Variants in LMAN1L observed in about 807,000 individuals in gnomAD.
LMAN1L encodes lectin, mannose binding 1 like.
LMAN1L carries 60 observed loss-of-function variants against 58.3 expected under a neutral mutation model. The ratio of observed to expected loss-of-function variants is 1.03; its 90% CI spans 0.84 to 1.27. The LOEUF is 1.27. Ranked by LOEUF, LMAN1L falls within the 50% of genes most tolerant of loss-of-function variation. LMAN1L has a pLI of 0.00. For synonymous variants in LMAN1L, 280 were observed against 271.6 expected, an observed-to-expected ratio of 1.03 and a Z score of -0.31; for missense variants, 629 against 674.0, an observed-to-expected ratio of 0.93 and a Z score of 0.74.
At chr15:74,821,299 T>C (rs913136505) in intron 9 of LMAN1L, 73 bp downstream of exon 9, 36 of 1,483,878 alleles carry the variant, frequency 2.4e-5, no homozygotes, top group Non-Finnish European at 3.3e-5. Context: ...AGTCAGCAAC[T>C]AGTCTCCCCT....
rs755095786 is a variant in LMAN1L at position 74,816,423 on chromosome 15, G to A, written c.331-4G>A. On this transcript the variant is annotated splice_polypyrimidine_tract_variant and splice_region_variant and intron_variant, in intron 2 of 13. Transcript: ENST00000309664. ...CCCTGAGCTGAGGGGCTGGGGACCT[G>A]CAGGCCGTGTGGTACACCCGGGGCA... 5 of 1,563,412 alleles carry A rather than the reference G, an allele frequency of 3.2e-6. No homozygotes were observed. In the East Asian group the frequency reaches 6.8e-5, roughly 21 times the overall value.
In LMAN1L at chr15:74,816,552, G is replaced by C. The variant is rs1049787108; in HGVS notation, c.438+18G>C. ...ATACTCAGGTGCGTAGTGGTCTCCT[G>C]CCTGCCAGCCCGCCTGCCCGCTCAC... On this transcript the variant is annotated intron_variant, in intron 3 of 13. Transcript: ENST00000309664. 1.3e-6 allele frequency: 2 copies of C among 1,575,832 alleles called. No homozygotes were observed. Among genetic ancestry groups the C allele is most frequent in the Non-Finnish European group, 1.7e-6 (2 of 1,158,608 alleles).
intron 10 of LMAN1L, 68 bp downstream of exon 10, chr15:74,821,968 G>C: frequency 9.1e-7 from 1 of 1,098,180 alleles, no homozygotes; most frequent in Non-Finnish European, 1.4e-6. Flanking sequence ...GGGAGAACCA[G>C]GGCAGAGAGG....
chr15:74,820,875 G>A, intron 8 of LMAN1L, 108 bp downstream of exon 8: 1 of 1,459,848 alleles, frequency 6.9e-7, no homozygotes, highest in Non-Finnish European at 9.2e-7. Flanking sequence ...GCCTGAGGAG[G>A]CCACATCTAA....
At chr15:74,824,275 A>C in intron 12 of LMAN1L, 76 bp from the exon 13 acceptor site, 2 of 1,412,222 alleles carry the variant, frequency 1.4e-6, no homozygotes, top group Non-Finnish European at 2.0e-6. Context: ...CGGAGCATGC[A>C]CATGGCCTAG....
Position 74,816,486 on chromosome 15 carries a change from G to T in LMAN1L, c.390G>T (p.Ser130=). ...GCTCTGTCCTTGGGGGGCTGGCTTC[G>T]TGGGACGGCATCGGGATCTTCTTTG... ...HVGSVLGGLA[S]WDGIGIFFDS... The change falls in exon 3 of 14, where the codon TCG becomes TCT. Residue 130 remains serine (S), a synonymous_variant. Coordinates refer to ENST00000309664, the MANE Select transcript of LMAN1L (RefSeq NM_021819.3). 2 of 1,550,396 alleles carry T rather than the reference G, an allele frequency of 1.3e-6. No homozygotes were observed. Among genetic ancestry groups the T allele is most frequent in the African/African-American group, 1.4e-5 (1 of 73,588 alleles).
At chr15:74,814,466 T>C (rs2063881491) in intron 1 of LMAN1L, among the ~76,000 whole-genome samples, 1 of 147,210 alleles carries the variant, frequency 6.8e-6, no homozygotes, top group African/African-American at 2.5e-5. Context: ...CTCCACCTCC[T>C]GGGTTCATGC....
chr15:74,820,449 T>G (rs915430324), intron 7 of LMAN1L, 186 bp from the exon 8 acceptor site: 25 of 784,346 alleles, frequency 3.2e-5, no homozygotes, highest in Non-Finnish European at 4.9e-5. Flanking sequence ...ACATATAGGC[T>G]TGAGGCCACA....
intron 4 of LMAN1L, among the ~76,000 whole-genome samples, chr15:74,817,821 G>C (rs2063898423): frequency 6.6e-6 from 1 of 152,068 alleles, no homozygotes. Context: ...AGACCAGCCT[G>C]GCCAACATGG....
intron 4 of LMAN1L, among the ~76,000 whole-genome samples, chr15:74,817,400 G>A (rs56371115): frequency 3.9e-5 from 6 of 152,316 alleles, no homozygotes; most frequent in South Asian, 2.1e-4. Context: ...CACATAGCTC[G>A]GGGCACAAAC....
intron 4 of LMAN1L, among the ~76,000 whole-genome samples, chr15:74,817,688 G>A (rs567712786): frequency 6.6e-6 from 1 of 152,294 alleles, no homozygotes; most frequent in East Asian, 1.9e-4. Flanking sequence ...AAGGAAGCCA[G>A]AGGCACAGAG....
In LMAN1L at chr15:74,825,482, G is replaced by A. The variant is rs776912350; in HGVS notation, c.1458G>A (p.Glu486=). ...GFFGYVHFRQ[E]LNKSLQECLS... ...ACCTTCTCTCTGGCAGCAGGCAGGA[G>A]CTGAACAAGAGCCTTCAGGAGTGTC... Residue 486 remains glutamate, a synonymous_variant, in exon 14 of 14, where the codon GAG becomes GAA. Coordinates refer to ENST00000309664, the MANE Select transcript of LMAN1L (RefSeq NM_021819.3). The A allele has an allele frequency of 6.2e-7, 1 of 1,610,632 alleles. No homozygotes were observed. Among genetic ancestry groups the A allele is most frequent in the Non-Finnish European group, 8.5e-7 (1 of 1,177,304 alleles).
At position 74,824,469 on chromosome 15, in the gene LMAN1L, T is replaced by A; in HGVS notation, c.1442T>A (p.Val481Glu). Residue 481 changes from valine (V) to glutamate (E), a missense_variant, in exon 13 of 14, where the codon GTG becomes GAG. By Grantham distance (121) the Val-to-Glu change is moderately radical. This residue lies in a region of LMAN1L where 53 missense variants were observed against 59.7 expected (regional missense o/e 0.89). Coordinates refer to ENST00000309664, the MANE Select transcript of LMAN1L (RefSeq NM_021819.3). ...CAGACTGTAGGCTTCTTCGGCTACG[T>A]GCACTTCAGGTGGGCCACCCCGTGA... ...LIQTVGFFGY[V>E]HFRQELNKSL... The A allele has an allele frequency of 6.2e-7, 1 of 1,614,190 alleles. No homozygotes were observed. Among genetic ancestry groups the A allele is most frequent in the African/African-American group, 1.3e-5 (1 of 75,062 alleles).
intron 7 of LMAN1L, 115 bp from the exon 8 acceptor site, chr15:74,820,520 A>C: frequency 2.2e-6 from 3 of 1,362,740 alleles, no homozygotes; most frequent in Non-Finnish European, 3.1e-6. Context: ...TGGAAACTGC[A>C]GGGCCAGCTG....
intron 11 of LMAN1L, among the ~76,000 whole-genome samples, chr15:74,823,048 A>G (rs986618497): frequency 1.4e-4 from 22 of 152,162 alleles, no homozygotes; most frequent in Admixed American, 3.3e-4. Flanking sequence ...TTGGAGAGGG[A>G]GCACAGCCAA....
intron 8 of LMAN1L, 152 bp downstream of exon 8, chr15:74,820,919 C>T (rs979926773): frequency 1.5e-6 from 2 of 1,338,124 alleles, no homozygotes; most frequent in Non-Finnish European, 2.0e-6. Flanking sequence ...TGTGCTATCC[C>T]CACCTTACCA....
In LMAN1L at chr15:74,816,472, G is replaced by T; in HGVS notation, c.376G>T (p.Gly126Trp). 1 of 1,552,456 alleles carries T rather than the reference G, an allele frequency of 6.4e-7. No homozygotes were observed. The change falls in exon 3 of 14, where the codon GGG (glycine) becomes TGG (tryptophan). Residue 126 changes from glycine (G) to tryptophan (W), a missense_variant. This residue lies in a region of LMAN1L where 573 missense variants were observed against 597.3 expected (regional missense o/e 0.96). Coordinates refer to ENST00000309664, the MANE Select transcript of LMAN1L (RefSeq NM_021819.3). ...CAGGGGCCATGTAGGCTCTGTCCTT[G>T]GGGGGCTGGCTTCGTGGGACGGCAT... ...RGRGHVGSVL[G>W]GLASWDGIGI... is the part of the protein sequence containing the mutation.
rs1208156428 is a variant in LMAN1L, at chr15:74,821,073, A to G, written c.908-2A>G. 1.9e-6 allele frequency: 3 copies of G among 1,574,978 alleles called. No individual in the cohort carries two copies. The highest frequency in any genetic ancestry group is 2.7e-5 in the African/African-American group (2 of 74,358). On this transcript the variant is annotated splice_acceptor_variant, in intron 8 of 13. Coordinates refer to ENST00000309664, the MANE Select transcript of LMAN1L (RefSeq NM_021819.3). LOFTEE classifies it high-confidence loss of function. ...CCATCCCAGCTCTGCCCTAATCCCC[A>G]GGGGAAAGGCTCTTTGACCTGGAGG...
Position 74,825,471 on chromosome 15 carries a change from A to C in LMAN1L, c.1452-5A>C. 6.2e-7 allele frequency: 1 copy of C among 1,608,526 alleles called. No individual in the cohort carries two copies. Among genetic ancestry groups the C allele is most frequent in the Non-Finnish European group, 8.5e-7 (1 of 1,175,662 alleles). ...AGTAACCTGTAACCTTCTCTCTGGC[A>C]GCAGGCAGGAGCTGAACAAGAGCCT... On this transcript the variant is annotated splice_polypyrimidine_tract_variant and splice_region_variant and intron_variant, in intron 13 of 13. Transcript: ENST00000309664.
Sources: gnomAD v4.1 joint callset for allele counts (sites outside exome capture counted in the v4.1 genomes callset) on GRCh38, gnomAD v4.1.1 for gene constraint, gnomAD v4.1.1 regional missense constraint, MANE v1.5 for transcripts, NCBI Gene and HGNC (gene_info 2026-07-23, HGNC 2026-07-21) for gene names.